Variants in ELMO1 observed in about 807,000 individuals in gnomAD.
ELMO1 encodes the protein engulfment and cell motility protein 1.
In ELMO1, 26 loss-of-function variants were observed where a neutral mutation model predicts 98.9. That is an observed-to-expected ratio of 0.26 (90% CI 0.19 to 0.36). The LOEUF is 0.36. Among genes scored for constraint, ELMO1 ranks in the 10% least tolerant of loss-of-function variants. ELMO1 has a pLI of 1.00. For synonymous variants in ELMO1, 346 were observed against 346.0 expected, an observed-to-expected ratio of 1.00 and a Z score of 0.00; for missense variants, 627 against 935.2, an observed-to-expected ratio of 0.67 and a Z score of 4.30.
intron 6 of ELMO1, among the ~76,000 whole-genome samples, chr7:37,256,966 T>C (rs1236961515): frequency 6.6e-6 from 1 of 152,224 alleles, no homozygotes; most frequent in Non-Finnish European, 1.5e-5. Flanking sequence ...CCTGACACTG[T>C]ACTTTATTAG....
chr7:37,178,719 G>A (rs147050006), intron 13 of ELMO1, among the ~76,000 whole-genome samples: 14 of 152,264 alleles, frequency 9.2e-5, no homozygotes, highest in African/African-American at 2.2e-4. Context: ...CTCCTCATAC[G>A]AGGTGGCAAG....
At chr7:37,330,986 G>A (rs1417788530) in intron 2 of ELMO1, among the ~76,000 whole-genome samples, 1 of 152,138 alleles carries the variant, frequency 6.6e-6, no homozygotes, top group African/African-American at 2.4e-5. Flanking sequence ...TGCATATGCT[G>A]GACAAAGGGG....
At chr7:37,035,419 C>T (rs1795122390) in intron 15 of ELMO1, among the ~76,000 whole-genome samples, 1 of 152,192 alleles carries the variant, frequency 6.6e-6, no homozygotes, top group Non-Finnish European at 1.5e-5. Context: ...TGCACCCACA[C>T]AAAAGCTGCA....
In ELMO1 at chr7:36,914,812, G is replaced by A. The variant is rs376477986; in HGVS notation, c.1438-19795C>T. On this transcript the variant is annotated intron_variant, in intron 16 of 21. Coordinates refer to ENST00000310758, the MANE Select transcript of ELMO1 (RefSeq NM_014800.11). ...CAGGTATGAGCCACCGCACCCAGCCGAAATGAAATGTACATTCTTAACTCT... is the reference window on the plus strand; with the variant it reads ...CAGGTATGAGCCACCGCACCCAGCCAAAATGAAATGTACATTCTTAACTCT... Among the ~76,000 whole-genome samples, 8 of 152,134 alleles carry A rather than the reference G, an allele frequency of 5.3e-5. No homozygotes were observed. The East Asian group carries it at 7.7e-4, about 15-fold the overall frequency.
chr7:37,279,021 G>A (rs889066426), intron 4 of ELMO1, among the ~76,000 whole-genome samples: 8 of 152,040 alleles, frequency 5.3e-5, no homozygotes, highest in East Asian at 1.9e-4. Context: ...GCAACATGGT[G>A]AAACCCGGTC....
chr7:37,103,805 G>T (rs1784782765), intron 14 of ELMO1, among the ~76,000 whole-genome samples: 1 of 151,282 alleles, frequency 6.6e-6, no homozygotes, highest in Non-Finnish European at 1.5e-5. Context: ...AACCATCCTG[G>T]CTAACACAGT....
chr7:37,182,529 G>A (rs907685154), intron 13 of ELMO1, among the ~76,000 whole-genome samples: 1 of 134,730 alleles, frequency 7.4e-6, no homozygotes, highest in Non-Finnish European at 1.5e-5. Flanking sequence ...GGAGTGCAAT[G>A]GCACGATCGG....
intron 5 of ELMO1, among the ~76,000 whole-genome samples, chr7:37,266,829 A>G (rs991795743): frequency 2.0e-5 from 3 of 152,208 alleles, no homozygotes; most frequent in Admixed American, 6.5e-5. Context: ...CCTTGCCAAC[A>G]TGGGGAAACC....
intron 16 of ELMO1, among the ~76,000 whole-genome samples, chr7:36,948,757 C>T (rs1245485373): frequency 1.3e-5 from 2 of 152,200 alleles, no homozygotes; most frequent in Admixed American, 6.5e-5. Flanking sequence ...AACCACCTTC[C>T]TATATACATC....
At chr7:36,918,012 TAAAAC>T (rs982777710) in intron 16 of ELMO1, among the ~76,000 whole-genome samples, 4 of 152,086 alleles carry the variant, frequency 2.6e-5, no homozygotes, top group African/African-American at 9.7e-5. Flanking sequence ...TTATGTAAAT[TAAAAC>T]AAACACACAC....
intron 16 of ELMO1, among the ~76,000 whole-genome samples, chr7:36,896,070 G>A (rs1805973892): frequency 6.6e-6 from 1 of 152,158 alleles, no homozygotes. Flanking sequence ...TGCCACCCAT[G>A]CCACCATTCT....
At chr7:37,234,677 G>A (rs1296304048) in intron 7 of ELMO1, among the ~76,000 whole-genome samples, 1 of 151,700 alleles carries the variant, frequency 6.6e-6, no homozygotes, top group Non-Finnish European at 1.5e-5. Flanking sequence ...TTAAAAATGG[G>A]GATGATGATG....
intron 1 of ELMO1, among the ~76,000 whole-genome samples, chr7:37,415,554 G>A (rs540453344): frequency 2.6e-5 from 4 of 152,284 alleles, no homozygotes; most frequent in Admixed American, 1.3e-4. Flanking sequence ...AAAGTCTAGC[G>A]TGGATATAAA....
chr7:37,192,968 GAGATATATATATAT>G (rs1343561809), intron 13 of ELMO1, among the ~76,000 whole-genome samples: 6 of 94,228 alleles, frequency 6.4e-5, no homozygotes, highest in East Asian at 2.6e-4. Context: ...ATATATATAG[GAGATATATATATAT>G]ATATATATAT....
intron 2 of ELMO1, among the ~76,000 whole-genome samples, chr7:37,324,404 A>AG (rs1245967499): frequency 7.1e-5 from 1 of 14,078 alleles, no homozygotes; most frequent in Non-Finnish European, 1.7e-3. Context: ...GGCATCACCC[A>AG]GAAAAAAAAG....
chr7:37,316,610 G>A (rs1799176844), intron 2 of ELMO1, among the ~76,000 whole-genome samples: 1 of 152,100 alleles, frequency 6.6e-6, no homozygotes, highest in African/African-American at 2.4e-5. Flanking sequence ...TGCTCCGCCT[G>A]CCCCCAAGAT....
chr7:36,964,069 G>A (rs1789194957), intron 16 of ELMO1, among the ~76,000 whole-genome samples: 1 of 152,306 alleles, frequency 6.6e-6, no homozygotes, highest in South Asian at 2.1e-4. Context: ...AAAGATCCAG[G>A]AAGGCAGAAT....
At chr7:37,088,925 G>C (rs993981349) in intron 15 of ELMO1, among the ~76,000 whole-genome samples, 4 of 152,102 alleles carry the variant, frequency 2.6e-5, no homozygotes, top group Non-Finnish European at 5.9e-5. Flanking sequence ...AGTAGAACGT[G>C]AAAATTCAGG....
chr7:37,425,923 A>G (rs1193486730), intron 1 of ELMO1, among the ~76,000 whole-genome samples: 1 of 152,218 alleles, frequency 6.6e-6, no homozygotes, highest in Non-Finnish European at 1.5e-5. Context: ...GCAAGTCTCC[A>G]GAACAAGACT....
Sources: allele counts gnomAD v4.1 joint callset (sites outside exome capture counted in the v4.1 genomes callset), GRCh38; gene constraint gnomAD v4.1.1; transcripts MANE v1.5; gene names NCBI Gene and HGNC (gene_info 2026-07-23, HGNC 2026-07-21).